The following PTPRA variants were observed in gnomAD, a reference collection of about 807,000 sequenced individuals.
PTPRA encodes receptor-type tyrosine-protein phosphatase alpha.
Under a neutral mutation model 104.8 loss-of-function variants are expected in PTPRA, and 25 were observed. The ratio of observed to expected loss-of-function variants is 0.24; its 90% CI spans 0.17 to 0.33. PTPRA has a LOEUF of 0.33. PTPRA is among the 10% of genes least tolerant of loss of function. The probability of loss-of-function intolerance (pLI) is 1.00; values close to 1 mark genes in which losing one functional copy is unlikely to be tolerated. For synonymous variants in PTPRA, 323 were observed against 368.9 expected (o/e 0.88, Z 1.43); for missense variants, 765 against 1,015.3 (o/e 0.75, Z 3.35).
At chr20:3,019,015 T>C (rs186282572) in intron 13 of PTPRA, among the ~76,000 whole-genome samples, 6,889 of 104,640 alleles carry the variant, frequency 0.066, 807 homozygotes, top group East Asian at 0.2. Flanking sequence ...ACAGGGCAGC[T>C]GGCCGGGCGG....
the PTPRA span, chr20:2,865,618 G>C: frequency 1.1e-6 from 1 of 884,852 alleles, no homozygotes; most frequent in African/African-American, 1.7e-5. The surrounding 1 kb of genome is among the most constrained non-coding windows in gnomAD (Gnocchi z 5.2). Context: ...CATAGTTAGC[G>C]AGTGCTTCCT....
At chr20:3,010,826 G>T (rs1393824463) in intron 11 of PTPRA, among the ~76,000 whole-genome samples, 2 of 152,132 alleles carry the variant, frequency 1.3e-5, no homozygotes, top group Admixed American at 1.3e-4. Context: ...CTAGGACATT[G>T]AGAATGATCA....
intron 9 of PTPRA, among the ~76,000 whole-genome samples, chr20:3,003,853 T>C (rs1394737455): frequency 6.6e-6 from 1 of 151,850 alleles, no homozygotes; most frequent in Non-Finnish European, 1.5e-5. Context: ...GCTCCTTTTT[T>C]CATCCTTAAT....
intron 1 of PTPRA, among the ~76,000 whole-genome samples, chr20:2,897,262 A>G (rs1194954026): frequency 6.6e-6 from 1 of 151,804 alleles, no homozygotes; most frequent in Non-Finnish European, 1.5e-5. Context: ...TTCTCATCAA[A>G]TTTTTGCTTG....
At chr20:2,883,835 T>C (rs6138925) in intron 1 of PTPRA, among the ~76,000 whole-genome samples, 2,358 of 152,312 alleles carry the variant, frequency 0.015, 124 homozygotes, top group Admixed American at 0.09. Flanking sequence ...CTTTTGCCAC[T>C]GTCTAGTTTA....
intron 9 of PTPRA, 120 bp downstream of exon 9, chr20:2,988,594 A>AT: frequency 1.5e-6 from 2 of 1,374,048 alleles, no homozygotes; most frequent in South Asian, 2.9e-5. Flanking sequence ...GAGGTGAGAA[A>AT]TGTTTTACCA....
At chr20:2,931,238 T>C (rs755669048) in intron 2 of PTPRA, among the ~76,000 whole-genome samples, 1 of 152,170 alleles carries the variant, frequency 6.6e-6, no homozygotes, top group East Asian at 1.9e-4. Flanking sequence ...TGTGAGGTGA[T>C]AGAGGCATGA....
intron 13 of PTPRA, among the ~76,000 whole-genome samples, chr20:3,019,176 G>A (rs1017816271): frequency 1.4e-5 from 2 of 147,102 alleles, no homozygotes; most frequent in African/African-American, 2.5e-5. Context: ...CCTCCCTCCC[G>A]GACGGGGCGG....
chr20:2,929,206 C>T (rs1166582745), intron 2 of PTPRA, among the ~76,000 whole-genome samples: 1 of 151,930 alleles, frequency 6.6e-6, no homozygotes, highest in Non-Finnish European at 1.5e-5. Context: ...CCTGCCTCAG[C>T]CTCCCAAAGT....
At chr20:3,007,555 A>G (rs2063932841) in intron 11 of PTPRA, 135 bp downstream of exon 11, 5 of 940,478 alleles carry the variant, frequency 5.3e-6, no homozygotes. Flanking sequence ...TTTTTAAGTG[A>G]CTGAATTTTT....
intron 2 of PTPRA, among the ~76,000 whole-genome samples, chr20:2,942,411 C>A (rs1477247386): frequency 6.6e-6 from 1 of 151,932 alleles, no homozygotes; most frequent in Non-Finnish European, 1.5e-5. Context: ...TTATTCCATT[C>A]TTTTATTTTC....
intron 2 of PTPRA, among the ~76,000 whole-genome samples, chr20:2,946,743 G>A (rs1340028885): frequency 1.3e-5 from 2 of 152,026 alleles, no homozygotes; most frequent in African/African-American, 4.8e-5. Flanking sequence ...AGCTACTTGG[G>A]AGGCTGAGGC....
chr20:2,990,569 A>G (rs1459961983), intron 9 of PTPRA, among the ~76,000 whole-genome samples: 1 of 152,154 alleles, frequency 6.6e-6, no homozygotes, highest in Non-Finnish European at 1.5e-5. Context: ...AACAACAACA[A>G]CAAAATACAA....
At chr20:2,984,443 CCTT>C (rs1266551007) in intron 6 of PTPRA, among the ~76,000 whole-genome samples, 1 of 152,194 alleles carries the variant, frequency 6.6e-6, no homozygotes, top group African/African-American at 2.4e-5. Flanking sequence ...TCTGTCTCAT[CCTT>C]CTTAAGTCTG....
chr20:2,962,804 A>G (rs1214528990), intron 3 of PTPRA, among the ~76,000 whole-genome samples: 1 of 152,198 alleles, frequency 6.6e-6, no homozygotes, highest in Non-Finnish European at 1.5e-5. Flanking sequence ...TTTCCCTGCT[A>G]GGCACGGCTG....
chr20:2,884,577 G>A (rs1438913416), intron 1 of PTPRA, among the ~76,000 whole-genome samples: 6 of 152,104 alleles, frequency 3.9e-5, no homozygotes, highest in Non-Finnish European at 8.8e-5. Context: ...GTTCTTTGGG[G>A]AAATGTCTGT....
At chr20:3,017,009 G>A (rs1195198428) in intron 12 of PTPRA, among the ~76,000 whole-genome samples, 1 of 152,100 alleles carries the variant, frequency 6.6e-6, no homozygotes, top group Non-Finnish European at 1.5e-5. Context: ...AATATTCACA[G>A]CCGAAACACA....
chr20:2,966,190 C>A (rs1221926940), intron 5 of PTPRA, among the ~76,000 whole-genome samples: 1 of 152,138 alleles, frequency 6.6e-6, no homozygotes, highest in Non-Finnish European at 1.5e-5. Flanking sequence ...TATTTTCTAC[C>A]GTAAAGACAA....
chr20:3,013,663 G>A (rs1041283987), intron 11 of PTPRA, among the ~76,000 whole-genome samples: 4 of 151,966 alleles, frequency 2.6e-5, no homozygotes, highest in African/African-American at 7.3e-5. Context: ...TGCCCACCTC[G>A]GCCTCCCAAA....
Sources: allele counts gnomAD v4.1 joint callset (sites outside exome capture counted in the v4.1 genomes callset), GRCh38; gene constraint gnomAD v4.1.1; non-coding constraint Gnocchi (gnomAD v3.1); transcripts MANE v1.5; gene names NCBI Gene and HGNC (gene_info 2026-07-23, HGNC 2026-07-21).